SYNPR: variants seen among roughly 807,000 people sequenced by gnomAD.
SYNPR encodes synaptoporin.
Under a neutral mutation model 32.9 loss-of-function variants are expected in SYNPR, and 23 were observed. The observed-to-expected ratio is 0.70, with a 90% confidence interval of 0.50 to 0.99. SYNPR has a LOEUF of 0.99. SYNPR is among the 50% of genes least tolerant of loss of function. The pLI is 0.00. For missense variants in SYNPR, 318 were observed against 349.3 expected (o/e 0.91, Z 0.71); for synonymous variants, 146 against 135.9 (o/e 1.07, Z -0.52).
intron 2 of SYNPR, among the ~76,000 whole-genome samples, chr3:63,401,554 T>C (rs558043023): frequency 2.2e-4 from 33 of 152,308 alleles, no homozygotes; most frequent in African/African-American, 7.7e-4. Context: ...CTTCGTTATC[T>C]GCACACTGGC....
chr3:63,309,669 G>A (rs1422703704), intron 2 of SYNPR, among the ~76,000 whole-genome samples: 1 of 151,902 alleles, frequency 6.6e-6, no homozygotes, highest in Admixed American at 6.6e-5. Flanking sequence ...AGCCCTGTGT[G>A]AGCATCAGAT....
At chr3:63,202,269 T>C in the SYNPR span, among the ~76,000 whole-genome samples, 9 of 152,176 alleles carry the variant, frequency 5.9e-5, no homozygotes, top group African/African-American at 1.9e-4. Context: ...ATGACCAACA[T>C]TTTGAAGTTT....
At chr3:63,444,552 A>T (rs1700238109) in intron 2 of SYNPR, among the ~76,000 whole-genome samples, 1 of 152,176 alleles carries the variant, frequency 6.6e-6, no homozygotes, top group South Asian at 2.1e-4. Context: ...ACGAGGTCTG[A>T]CTATACATTT....
intron 2 of SYNPR, among the ~76,000 whole-genome samples, chr3:63,449,734 A>C (rs762023230): frequency 2.6e-5 from 4 of 152,232 alleles, no homozygotes; most frequent in Non-Finnish European, 5.9e-5. Context: ...GCCAACAAAG[A>C]CAAGTAAGGC....
chr3:63,530,358 C>T (rs528724411), intron 3 of SYNPR, among the ~76,000 whole-genome samples: 17 of 152,136 alleles, frequency 1.1e-4, no homozygotes, highest in Non-Finnish European at 2.1e-4. Context: ...TGCTTCCCAG[C>T]CTTTGACTAG....
intron 2 of SYNPR, among the ~76,000 whole-genome samples, chr3:63,406,834 A>G (rs1214583700): frequency 6.6e-6 from 1 of 152,162 alleles, no homozygotes; most frequent in Non-Finnish European, 1.5e-5. Context: ...GAACTCCACA[A>G]CAATGAGAAG....
At chr3:63,551,229 A>G (rs1182559906) in intron 3 of SYNPR, among the ~76,000 whole-genome samples, 1 of 152,216 alleles carries the variant, frequency 6.6e-6, no homozygotes, top group Non-Finnish European at 1.5e-5. Context: ...AGGCTTATCC[A>G]TATTGTAGCA....
chr3:63,555,682 C>G (rs1178373056), intron 3 of SYNPR, among the ~76,000 whole-genome samples: 2 of 152,080 alleles, frequency 1.3e-5, no homozygotes, highest in Non-Finnish European at 2.9e-5. Flanking sequence ...AGTCATCTTA[C>G]AGAACCAAGA....
intron 2 of SYNPR, among the ~76,000 whole-genome samples, chr3:63,279,366 G>T (rs992186216): frequency 1.3e-5 from 2 of 152,132 alleles, no homozygotes; most frequent in Non-Finnish European, 2.9e-5. Context: ...CTCCTCTAGG[G>T]CTTTTCTGAT....
intron 2 of SYNPR, among the ~76,000 whole-genome samples, chr3:63,348,386 G>GT (rs755535057): frequency 6.0e-4 from 91 of 151,502 alleles, no homozygotes; most frequent in East Asian, 3.1e-3. Flanking sequence ...ATTTGTTGTT[G>GT]TTTTTTTTGA....
intron 4 of SYNPR, among the ~76,000 whole-genome samples, chr3:63,559,383 C>A (rs1416281179): frequency 6.6e-6 from 1 of 152,130 alleles, no homozygotes; most frequent in Non-Finnish European, 1.5e-5. Flanking sequence ...CAGCCTAATA[C>A]ATTTAATATG....
intron 4 of SYNPR, among the ~76,000 whole-genome samples, chr3:63,593,911 T>C (rs1486854139): frequency 6.6e-6 from 1 of 152,038 alleles, no homozygotes; most frequent in East Asian, 1.9e-4. Context: ...CTTCCATTTT[T>C]AGAACAGTAC....
At chr3:63,248,200 T>TA (rs1473522811) in intron 1 of SYNPR, among the ~76,000 whole-genome samples, 2 of 152,156 alleles carry the variant, frequency 1.3e-5, no homozygotes, top group Non-Finnish European at 2.9e-5. Context: ...CAAAACCTGT[T>TA]AATGCTGATT....
chr3:63,408,749 C>T (rs974414223), intron 2 of SYNPR, among the ~76,000 whole-genome samples: 5 of 152,120 alleles, frequency 3.3e-5, no homozygotes, highest in Non-Finnish European at 5.9e-5. Context: ...TCACATGGGG[C>T]AAGGAAAGAT....
At chr3:63,304,453 C>A (rs1424395290) in intron 2 of SYNPR, among the ~76,000 whole-genome samples, 1 of 151,834 alleles carries the variant, frequency 6.6e-6, no homozygotes, top group Non-Finnish European at 1.5e-5. Flanking sequence ...TTGCTATGAG[C>A]AAAAGAGAGA....
chr3:63,435,573 G>C (rs1220931893), intron 2 of SYNPR, among the ~76,000 whole-genome samples: 1 of 152,172 alleles, frequency 6.6e-6, no homozygotes, highest in African/African-American at 2.4e-5. Context: ...GTGGAACCCT[G>C]GTTCCTTTGA....
At chr3:63,258,131 A>C (rs2086404237) in intron 2 of SYNPR, among the ~76,000 whole-genome samples, 1 of 152,168 alleles carries the variant, frequency 6.6e-6, no homozygotes, top group Admixed American at 6.6e-5. Flanking sequence ...GGGAGACTTT[A>C]ACACCCCACT....
intron 2 of SYNPR, chr3:63,351,406 G>C (rs2087508110): frequency 6.6e-6 from 1 of 152,120 alleles, no homozygotes; most frequent in South Asian, 2.1e-4. Context: ...ACCCTAGTAG[G>C]GAATCATTCT....
At chr3:63,445,268 C>T (rs1056302995) in intron 2 of SYNPR, among the ~76,000 whole-genome samples, 1 of 152,092 alleles carries the variant, frequency 6.6e-6, no homozygotes, top group African/African-American at 2.4e-5. Flanking sequence ...CCTTTTCCTC[C>T]AGTCTGTTAG....
Sources: allele counts gnomAD v4.1 joint callset (sites outside exome capture counted in the v4.1 genomes callset), GRCh38; gene constraint gnomAD v4.1.1; transcripts MANE v1.5; gene names NCBI Gene and HGNC (gene_info 2026-07-23, HGNC 2026-07-21).